Variants in KAT6B observed in about 807,000 individuals in gnomAD.
The protein encoded by KAT6B is histone acetyltransferase KAT6B.
Under a neutral mutation model 187.5 loss-of-function variants are expected in KAT6B, and 10 were observed. The ratio of observed to expected loss-of-function variants is 0.05; its 90% CI spans 0.03 to 0.09. The LOEUF is 0.09. Ranked by LOEUF, KAT6B falls within the 10% of genes least tolerant of loss-of-function variation. The pLI, the probability that KAT6B is intolerant of heterozygous loss-of-function variation, is 1.00. For missense variants in KAT6B, 1,952 were observed against 2,558.9 expected (o/e 0.76, Z 5.12); for synonymous variants, 861 against 926.8 (o/e 0.93, Z 1.29).
chr10:74,907,263 C>CAGA (rs1212549896), intron 3 of KAT6B, among the ~76,000 whole-genome samples: 3 of 152,200 alleles, frequency 2.0e-5, no homozygotes, highest in African/African-American at 7.2e-5. Flanking sequence ...CAAGAACTTT[C>CAGA]AGAACATTTG....
At chr10:74,968,176 CTTTG>C (rs1475233500) in intron 4 of KAT6B, among the ~76,000 whole-genome samples, 1 of 152,136 alleles carries the variant, frequency 6.6e-6, no homozygotes, top group Non-Finnish European at 1.5e-5. Flanking sequence ...AGCAAGCTGT[CTTTG>C]TTTGCCGTTC....
chr10:75,022,152 A>G lies in KAT6B; in HGVS notation c.3293A>G (p.Glu1098Gly), dbSNP rs774138994. 1.8e-5 allele frequency: 28 copies of G among 1,568,878 alleles called. No homozygotes were observed. Among genetic ancestry groups the G allele is most frequent in the Non-Finnish European group, 2.4e-5 (28 of 1,161,876 alleles). Residue 1098 changes from glutamate (E) to glycine (G), a missense_variant, in exon 16 of 18, where the codon GAA (glutamate) becomes GGA (glycine). This residue lies in a region of KAT6B where 758 missense variants were observed against 891.4 expected (regional missense o/e 0.85). Transcript: ENST00000287239. ...EEDEEEEEEE[E>G]EEEEEENIQS... ...GATGAAGAGGAGGAAGAAGAGGAAG[A>G]AGAAGAAGAAGAAGAAGAAAATATT... is the stretch of plus-strand genomic sequence containing the variant.
chr10:74,987,325 C>G (rs1301288721), intron 12 of KAT6B, among the ~76,000 whole-genome samples: 1 of 151,996 alleles, frequency 6.6e-6, no homozygotes, highest in African/African-American at 2.4e-5. Context: ...CCCAGCTACT[C>G]TGGAGGCCGA....
intron 3 of KAT6B, among the ~76,000 whole-genome samples, chr10:74,878,495 C>CT (rs1844590183): frequency 6.6e-6 from 1 of 151,788 alleles, no homozygotes; most frequent in Non-Finnish European, 1.5e-5. Flanking sequence ...TAGCATGTGC[C>CT]TGTAATCCCA....
intron 1 of KAT6B, among the ~76,000 whole-genome samples, chr10:74,832,405 C>G (rs566578808): frequency 6.6e-6 from 1 of 151,924 alleles, no homozygotes; most frequent in African/African-American, 2.4e-5. Context: ...TGAAAGGATC[C>G]CTTGAGCCCT....
chr10:74,874,330 G>T (rs1291501051), intron 3 of KAT6B, among the ~76,000 whole-genome samples: 2 of 152,106 alleles, frequency 1.3e-5, no homozygotes, highest in Non-Finnish European at 2.9e-5. Flanking sequence ...TGACTGATAG[G>T]CTGTAAGTCT....
intron 13 of KAT6B, among the ~76,000 whole-genome samples, chr10:75,015,288 T>A (rs1381737216): frequency 6.6e-6 from 1 of 152,192 alleles, no homozygotes; most frequent in Non-Finnish European, 1.5e-5. Flanking sequence ...ATTCAAAATT[T>A]CCGTCTTTGC....
At chr10:74,941,870 C>T (rs1055065013) in intron 3 of KAT6B, among the ~76,000 whole-genome samples, 13 of 152,210 alleles carry the variant, frequency 8.5e-5, no homozygotes, top group African/African-American at 2.2e-4. Context: ...AAAAACTGGC[C>T]GGGTGCCACG....
chr10:74,960,661 C>A (rs1471400753), intron 4 of KAT6B, among the ~76,000 whole-genome samples: 2 of 152,142 alleles, frequency 1.3e-5, no homozygotes, highest in East Asian at 3.8e-4. Flanking sequence ...CAGCCATAGC[C>A]CAGTTCCTCT....
chr10:74,890,753 G>A (rs1845592758), intron 3 of KAT6B, among the ~76,000 whole-genome samples: 1 of 152,100 alleles, frequency 6.6e-6, no homozygotes, highest in African/African-American at 2.4e-5. Context: ...TAATCTTTTG[G>A]TTACCAATTT....
At chr10:74,865,734 T>G (rs1322664824) in intron 3 of KAT6B, among the ~76,000 whole-genome samples, 5 of 152,182 alleles carry the variant, frequency 3.3e-5, no homozygotes, top group Non-Finnish European at 7.3e-5. Context: ...CAGGCTGGTC[T>G]TGAACTGCTG....
intron 3 of KAT6B, among the ~76,000 whole-genome samples, chr10:74,891,249 C>T (rs1845626879): frequency 6.6e-6 from 1 of 152,246 alleles, no homozygotes; most frequent in South Asian, 2.1e-4. Flanking sequence ...GGTGCTGCTA[C>T]TGCAAGGGCT....
upstream of KAT6B, among the ~76,000 whole-genome samples, chr10:74,826,383 G>A (rs926379193): frequency 6.6e-6 from 1 of 151,354 alleles, no homozygotes; most frequent in Admixed American, 6.6e-5. Flanking sequence ...CCGGGGTGGT[G>A]CCGGAGGGGG....
At chr10:74,919,529 C>G (rs1589622324) in intron 3 of KAT6B, among the ~76,000 whole-genome samples, 1 of 151,886 alleles carries the variant, frequency 6.6e-6, no homozygotes, top group Non-Finnish European at 1.5e-5. Context: ...GCCTCCCGAG[C>G]AGCTGGGATT....
intron 3 of KAT6B, among the ~76,000 whole-genome samples, chr10:74,941,811 T>A (rs1294743905): frequency 6.6e-6 from 1 of 152,222 alleles, no homozygotes; most frequent in East Asian, 1.9e-4. Context: ...AGGGAACACA[T>A]CCCATTTCAC....
At chr10:74,886,859 C>T (rs1381086362) in intron 3 of KAT6B, among the ~76,000 whole-genome samples, 1 of 152,186 alleles carries the variant, frequency 6.6e-6, no homozygotes, top group Non-Finnish European at 1.5e-5. Flanking sequence ...AACTCGGAAC[C>T]TAACTGTCCT....
intron 4 of KAT6B, among the ~76,000 whole-genome samples, chr10:74,968,294 A>C (rs1167712707): frequency 6.6e-6 from 1 of 152,194 alleles, no homozygotes; most frequent in African/African-American, 2.4e-5. Flanking sequence ...TCACAGGTTA[A>C]ATGCATCTGC....
intron 6 of KAT6B, among the ~76,000 whole-genome samples, chr10:74,971,725 A>T (rs1841858980): frequency 1.3e-5 from 2 of 152,046 alleles, no homozygotes; most frequent in Non-Finnish European, 2.9e-5. Flanking sequence ...TTTAAATGTC[A>T]GTCATGCTTA....
chr10:74,875,179 A>G (rs1024930394), intron 3 of KAT6B, among the ~76,000 whole-genome samples: 2 of 152,234 alleles, frequency 1.3e-5, no homozygotes, highest in South Asian at 4.1e-4. Context: ...TAAATTAGCT[A>G]ATAAACACAG....
Sources: allele counts gnomAD v4.1 joint callset (sites outside exome capture counted in the v4.1 genomes callset), GRCh38; gene constraint gnomAD v4.1.1; regional missense constraint gnomAD v4.1.1; transcripts MANE v1.5; gene names NCBI Gene and HGNC (gene_info 2026-07-23, HGNC 2026-07-21).